The following IGDCC3 variants were observed in gnomAD, a reference collection of about 807,000 sequenced individuals.
IGDCC3 encodes the protein putative neuronal cell adhesion molecule.
In IGDCC3, 47 loss-of-function variants were observed where a neutral mutation model predicts 72.0. That is an observed-to-expected ratio of 0.65 (90% confidence interval 0.52 to 0.83). The LOEUF is 0.83. Among genes scored for constraint, IGDCC3 ranks in the 40% least tolerant of loss-of-function variants. IGDCC3 has a pLI of 0.00. For synonymous variants in IGDCC3, 477 were observed against 472.8 expected (o/e 1.01, Z -0.11); for missense variants, 1,038 against 1,091.3 (o/e 0.95, Z 0.69).
intron 2 of IGDCC3, among the ~76,000 whole-genome samples, chr15:65,366,434 C>A (rs2091288622): frequency 6.6e-6 from 1 of 151,586 alleles, no homozygotes; most frequent in South Asian, 2.1e-4. Context: ...GGAGGAGGAG[C>A]TGGAGAAAGG....
chr15:65,330,231 T>C (rs986290594), intron 11 of IGDCC3, 62 bp downstream of exon 11: 2 of 1,210,266 alleles, frequency 1.7e-6, no homozygotes, highest in Non-Finnish European at 2.4e-6. Flanking sequence ...ACATGCTATC[T>C]CACCCCATTA....
At chr15:65,370,614 G>GTGTATATATA (rs1280197822) in intron 2 of IGDCC3, among the ~76,000 whole-genome samples, 5 of 51,720 alleles carry the variant, frequency 9.7e-5, no homozygotes, top group African/African-American at 3.7e-4. Context: ...GTATATATAT[G>GTGTATATATA]TATGTGTATA....
chr15:65,329,761 G>GAAGA lies in IGDCC3; in HGVS notation c.1958_1961dup (p.Cys655LeufsTer18). The GAAGA allele has an allele frequency of 6.2e-7, 1 of 1,614,154 alleles. No homozygotes were observed. The highest frequency in any genetic ancestry group is 8.5e-7 in the Non-Finnish European group (1 of 1,180,032). ...GGCCGAACAGGAGGAAGAGGACACA[G>GAAGA]AAGATGATGCAAGTGACCCCGATGT... On this transcript the variant is annotated frameshift_variant, in exon 12 of 14. Coordinates refer to ENST00000327987, the MANE Select transcript of IGDCC3 (RefSeq NM_004884.4). LOFTEE classifies it high-confidence loss of function. The surrounding 1 kb of genome is among the most constrained non-coding windows in gnomAD (Gnocchi z 4.1).
Position 65,328,940 on chromosome 15 carries a change from C to T in IGDCC3, c.2414G>A (p.Arg805Gln), listed in dbSNP as rs772293923. Residue 805 changes from arginine to glutamine, a missense_variant, in exon 14 of 14, where the codon CGG becomes CAG. Physicochemically the swap from Arg to Gln is conservative, Grantham distance 43 (BLOSUM62 1). Coordinates refer to ENST00000327987, the MANE Select transcript of IGDCC3 (RefSeq NM_004884.4). ...EGQASRPAAA[R>Q]VTQPAHSEQ ...TTCCGAGTGAGCTGGCTGGGTAACC[C>T]GGGCCGCTGCAGGCCTGGAAGCCTG... The T allele has an allele frequency of 3.1e-5, 48 of 1,561,732 alleles. No individual in the cohort carries two copies. Among genetic ancestry groups the T allele is most frequent in the African/African-American group, 5.5e-5 (4 of 72,812 alleles).
intron 2 of IGDCC3, among the ~76,000 whole-genome samples, chr15:65,356,847 G>GTTTTTTTTTTTTTTTTTTTT (rs1189300061): frequency 3.2e-5 from 2 of 61,786 alleles, no homozygotes; most frequent in Admixed American, 1.4e-4. Flanking sequence ...GAATGGACCT[G>GTTTTTTTTTTTTTTTTTTTT]CTTTTTTTTT....
intron 2 of IGDCC3, among the ~76,000 whole-genome samples, chr15:65,349,472 A>G (rs1267183066): frequency 1.3e-5 from 2 of 152,262 alleles, no homozygotes; most frequent in Non-Finnish European, 2.9e-5. Context: ...AGTTTTGATT[A>G]ATGCGAAAAA....
intron 2 of IGDCC3, among the ~76,000 whole-genome samples, chr15:65,370,513 AAAAT>A (rs66833012): frequency 0.08 from 4,920 of 61,588 alleles, 306 homozygotes; most frequent in African/African-American, 0.21. Context: ...TCTCAAAAAA[AAAAT>A]ATATATATAT....
At chr15:65,350,494 C>T (rs1453729392) in intron 2 of IGDCC3, among the ~76,000 whole-genome samples, 2 of 148,234 alleles carry the variant, frequency 1.3e-5, no homozygotes, top group African/African-American at 5.0e-5. Flanking sequence ...CAGAGTCTTG[C>T]TCTGTTGCCC....
At position 65,329,104 on chromosome 15, in the gene IGDCC3, G is replaced by C; in HGVS notation, c.2250C>G (p.Ser750=). ...APAPCEETQL[S]VLPLQGCGLM... ...GGCCGCACCCCTGAAGTGGCAGCAC[G>C]GAGAGCTGGGTCTCCTCACACGGAG... Residue 750 remains serine, a synonymous_variant, in exon 14 of 14, where the codon TCC becomes TCG. Coordinates refer to ENST00000327987, the MANE Select transcript of IGDCC3 (RefSeq NM_004884.4). This position sits in a 1 kb window ranked among gnomAD's most constrained non-coding sequence, Gnocchi z 4.1. 1.2e-6 allele frequency: 2 copies of C among 1,610,244 alleles called. No individual in the cohort carries two copies. The highest frequency in any genetic ancestry group is 1.7e-6 in the Non-Finnish European group (2 of 1,178,842).
rs755267795 is a variant in IGDCC3 at position 65,335,769 on chromosome 15, C to A, written c.554+43G>T. 7 of 1,609,576 alleles carry A rather than the reference C, an allele frequency of 4.3e-6. No individual in the cohort carries two copies. The East Asian group carries it at 1.6e-4, about 36-fold the overall frequency. Reference sequence around the variant, plus strand: ...CCTTCTCTACGGCCAGAGTCACTGGCCACCTCTTTGTCCTCCCTCTGTCTT... The same window carrying A: ...CCTTCTCTACGGCCAGAGTCACTGGACACCTCTTTGTCCTCCCTCTGTCTT... On this transcript the variant is annotated intron_variant, in intron 3 of 13. Coordinates refer to ENST00000327987, the MANE Select transcript of IGDCC3 (RefSeq NM_004884.4).
intron 2 of IGDCC3, among the ~76,000 whole-genome samples, chr15:65,368,939 A>C (rs575567313): frequency 2.0e-5 from 3 of 152,144 alleles, no homozygotes; most frequent in African/African-American, 7.2e-5. Flanking sequence ...ATGTTCATTT[A>C]GTTTTTACCA....
chr15:65,329,012 G>A lies in IGDCC3; in HGVS notation c.2342C>T (p.Ala781Val), dbSNP rs1329048926. Residue 781 changes from alanine (A) to valine (V), a missense_variant, in exon 14 of 14, where the codon GCT (alanine) becomes GTT (valine). Coordinates refer to ENST00000327987, the MANE Select transcript of IGDCC3 (RefSeq NM_004884.4). This position sits in a 1 kb window ranked among gnomAD's most constrained non-coding sequence, Gnocchi z 4.1. ...GCCTCCATCTGGGGGTGGTGGGGCA[G>A]CCGCCAGGCCGGCGCAGGGAGCCGT... ...EATAPCAGLA[A>V]APPPPDGGPG... 1 of 1,611,632 alleles carries A rather than the reference G, an allele frequency of 6.2e-7. No homozygotes were observed. The highest frequency in any genetic ancestry group is 8.5e-7 in the Non-Finnish European group (1 of 1,179,224).
chr15:65,370,500 T>G (rs1204955327), intron 2 of IGDCC3, among the ~76,000 whole-genome samples: 1 of 126,912 alleles, frequency 7.9e-6, no homozygotes. Flanking sequence ...GAGCGAGACT[T>G]GGTCTCAAAA....
chr15:65,341,290 C>G (rs116930253), intron 2 of IGDCC3, among the ~76,000 whole-genome samples: 1,946 of 152,266 alleles, frequency 0.013, 15 homozygotes, highest in Admixed American at 0.019. Flanking sequence ...GGATGTAAAA[C>G]GGTGCCGCTG....
At chr15:65,356,865 T>TTTTTTTTTTTTTTTTTTTG (rs2091226189) in intron 2 of IGDCC3, among the ~76,000 whole-genome samples, 2 of 144,830 alleles carry the variant, frequency 1.4e-5, no homozygotes, top group African/African-American at 5.2e-5. Flanking sequence ...TTTTTTTTTT[T>TTTTTTTTTTTTTTTTTTTG]TTGAGATGGA....
chr15:65,355,810 C>A (rs1445107171), intron 2 of IGDCC3: 3 of 452,792 alleles, frequency 6.6e-6, no homozygotes, highest in African/African-American at 4.0e-5. Flanking sequence ...GCACGCCAAA[C>A]GAGGGTTTGA....
chr15:65,356,013 C>A, intron 2 of IGDCC3: 1 of 275,784 alleles, frequency 3.6e-6, no homozygotes, highest in Non-Finnish European at 7.5e-6. Context: ...CCGGACTCGC[C>A]CTCGTCCCTC....
At chr15:65,376,256 A>G (rs2091358179) in intron 1 of IGDCC3, among the ~76,000 whole-genome samples, 1 of 152,232 alleles carries the variant, frequency 6.6e-6, no homozygotes, top group Non-Finnish European at 1.5e-5. Flanking sequence ...CAGAAGAGAA[A>G]TGAGCAGGAA....
intron 7 of IGDCC3, 126 bp downstream of exon 7, chr15:65,331,815 T>TCTCCAGA: frequency 7.2e-7 from 1 of 1,386,880 alleles, no homozygotes; most frequent in East Asian, 2.3e-5. Context: ...TCCACCTCAA[T>TCTCCAGA]CTCCAGACTC....
Sources: gnomAD v4.1 joint callset for allele counts (sites outside exome capture counted in the v4.1 genomes callset) on GRCh38, gnomAD v4.1.1 for gene constraint, Gnocchi (gnomAD v3.1) non-coding constraint, MANE v1.5 for transcripts, NCBI Gene and HGNC (gene_info 2026-07-23, HGNC 2026-07-21) for gene names.